The following DNAH6 variants were observed in gnomAD, a reference collection of about 807,000 sequenced individuals.
DNAH6 encodes axonemal beta dynein heavy chain 6.
A neutral mutation model predicts 491.4 loss-of-function variants in DNAH6; 340 were observed. The ratio of observed to expected loss-of-function variants is 0.69; its 90% CI spans 0.63 to 0.76. The LOEUF (loss-of-function observed/expected upper bound fraction) is 0.76. DNAH6 is among the 30% of genes least tolerant of loss of function. The pLI, the probability that DNAH6 is intolerant of heterozygous loss-of-function variation, is 0.00. For missense variants in DNAH6, 4,443 were observed against 4,972.2 expected (o/e 0.89, Z 3.20); for synonymous variants, 1,603 against 1,686.1 (o/e 0.95, Z 1.21).
At chr2:84,686,694 CCATGAGCCA>C (rs1326140192) in intron 44 of DNAH6, 137 bp downstream of exon 44, 9 of 561,546 alleles carry the variant, frequency 1.6e-5, no homozygotes, top group Non-Finnish European at 2.8e-5. Flanking sequence ...AAACTATGGC[CCATGAGCCA>C]CATCTGCCTG....
rs912429882 is a variant in DNAH6, at chr2:84,708,871, A to G, written c.9049-472A>G. On this transcript the variant is annotated intron_variant, in intron 54 of 76. Transcript: ENST00000389394. ...GGTGCCATGTTTCTCACTGGGGCCAATTGTGCTTTTTGGGGACAGACAGCT... is the reference window on the plus strand; with the variant it reads ...GGTGCCATGTTTCTCACTGGGGCCAGTTGTGCTTTTTGGGGACAGACAGCT... Among the ~76,000 whole-genome samples, 11 of 152,136 alleles carry G rather than the reference A, an allele frequency of 7.2e-5. 1 individual carries two copies. The highest frequency in any genetic ancestry group is 1.9e-4 in the African/African-American group (8 of 41,424).
intron 29 of DNAH6, 95 bp from the exon 30 acceptor site, chr2:84,634,409 C>T (rs1688677129): frequency 1.7e-5 from 21 of 1,269,368 alleles, no homozygotes; most frequent in Admixed American, 7.5e-5. Flanking sequence ...TTGCAGATAC[C>T]ACCTCTTTTT....
chr2:84,694,176 C>T (rs1351380751), intron 45 of DNAH6, 73 bp from the exon 46 acceptor site: 5 of 1,388,772 alleles, frequency 3.6e-6, no homozygotes, highest in Non-Finnish European at 5.0e-6. Flanking sequence ...CAGCCTTTGG[C>T]TCTGGGGCAG....
At chr2:84,709,135 C>T (rs1357072577) in intron 54 of DNAH6, among the ~76,000 whole-genome samples, 3 of 152,248 alleles carry the variant, frequency 2.0e-5, no homozygotes, top group African/African-American at 7.2e-5. Flanking sequence ...TCCAAAGTCA[C>T]ATCTAACTAA....
the DNAH6 span, among the ~76,000 whole-genome samples, chr2:84,494,295 C>T: frequency 6.6e-5 from 10 of 151,992 alleles, no homozygotes; most frequent in Non-Finnish European, 2.9e-5. Flanking sequence ...ATTTGTTTGC[C>T]GGATACAGGT....
the DNAH6 span, among the ~76,000 whole-genome samples, chr2:84,462,885 C>T: frequency 5.1e-4 from 77 of 152,274 alleles, no homozygotes; most frequent in African/African-American, 1.8e-3. Flanking sequence ...GTTAATATTC[C>T]TGTGAGTAAA....
chr2:84,547,975 C>T (rs1178352974), intron 7 of DNAH6, among the ~76,000 whole-genome samples: 1 of 152,096 alleles, frequency 6.6e-6, no homozygotes, highest in Admixed American at 6.5e-5. Flanking sequence ...ACTCAGTTAG[C>T]ATGTACTATA....
At chr2:84,808,204 C>T (rs1679627179) in intron 71 of DNAH6, among the ~76,000 whole-genome samples, 1 of 148,908 alleles carries the variant, frequency 6.7e-6, no homozygotes, top group African/African-American at 2.5e-5. Context: ...TGAATTTAAA[C>T]ATAATTTTCT....
chr2:84,584,348 T>A, intron 15 of DNAH6, 98 bp downstream of exon 15: 2 of 1,205,554 alleles, frequency 1.7e-6, no homozygotes, highest in Non-Finnish European at 2.3e-6. Flanking sequence ...TTGTATATAT[T>A]TACAATATAT....
chr2:84,741,609 C>G (rs1329032778), intron 62 of DNAH6, among the ~76,000 whole-genome samples: 1 of 152,188 alleles, frequency 6.6e-6, no homozygotes, highest in Non-Finnish European at 1.5e-5. Context: ...ACTCATATCT[C>G]AGTCTCAACA....
intron 10 of DNAH6, among the ~76,000 whole-genome samples, chr2:84,555,820 C>T (rs1467737542): frequency 1.3e-5 from 2 of 152,090 alleles, no homozygotes; most frequent in Non-Finnish European, 2.9e-5. Flanking sequence ...TGGGAGTTCC[C>T]CTAGAGTCTC....
intron 4 of DNAH6, among the ~76,000 whole-genome samples, chr2:84,541,804 A>G (rs796871432): frequency 3.9e-5 from 6 of 152,336 alleles, no homozygotes; most frequent in African/African-American, 1.4e-4. Flanking sequence ...TTTGAAATAA[A>G]GTTTGGTGGT....
intron 33 of DNAH6, among the ~76,000 whole-genome samples, chr2:84,643,295 A>G (rs1335226344): frequency 1.3e-4 from 20 of 150,472 alleles, no homozygotes. Context: ...GCTTATTTCT[A>G]TATTTTTTCT....
intron 18 of DNAH6, among the ~76,000 whole-genome samples, chr2:84,601,253 G>C (rs1466228910): frequency 6.6e-6 from 1 of 151,422 alleles, no homozygotes; most frequent in Non-Finnish European, 1.5e-5. Flanking sequence ...AAAAAATGTA[G>C]TATTGTATTA....
chr2:84,532,625 A>T (rs1010245322), intron 4 of DNAH6, among the ~76,000 whole-genome samples: 1 of 152,154 alleles, frequency 6.6e-6, no homozygotes, highest in Non-Finnish European at 1.5e-5. Flanking sequence ...ATAATCTTTC[A>T]ATCTAGAGCA....
intron 71 of DNAH6, among the ~76,000 whole-genome samples, chr2:84,807,264 AG>A: frequency 6.6e-6 from 1 of 152,362 alleles, no homozygotes; most frequent in South Asian, 2.1e-4. Context: ...ATTTTTGTCC[AG>A]CAGCCAAATG....
chr2:84,812,949 G>C (rs763338938), intron 73 of DNAH6, 109 bp from the exon 74 acceptor site: 70 of 873,362 alleles, frequency 8.0e-5, no homozygotes, highest in Non-Finnish European at 1.1e-4. Context: ...CTAACTCAGG[G>C]CTGCTTTAGA....
intron 66 of DNAH6, among the ~76,000 whole-genome samples, 197 bp from the exon 67 acceptor site, chr2:84,785,413 T>C (rs1356994023): frequency 1.3e-5 from 2 of 152,230 alleles, no homozygotes; most frequent in African/African-American, 4.8e-5. Context: ...CTGAGAAACC[T>C]GCCATTCCCT....
At chr2:84,723,887 G>A (rs1365390906) in intron 60 of DNAH6, among the ~76,000 whole-genome samples, 1 of 152,134 alleles carries the variant, frequency 6.6e-6, no homozygotes, top group Non-Finnish European at 1.5e-5. Flanking sequence ...CAAAGCTTCA[G>A]CAGGCAATGC....
Sources: allele counts gnomAD v4.1 joint callset (sites outside exome capture counted in the v4.1 genomes callset), GRCh38; gene constraint gnomAD v4.1.1; transcripts MANE v1.5; gene names NCBI Gene and HGNC (gene_info 2026-07-23, HGNC 2026-07-21).